The following RIMS1 variants were observed in gnomAD, a reference collection of about 807,000 sequenced individuals.
RIMS1 encodes regulating synaptic membrane exocytosis protein 1.
In RIMS1, 83 loss-of-function variants were observed where a neutral mutation model predicts 214.1. The ratio of observed to expected loss-of-function variants is 0.39; its 90% CI spans 0.32 to 0.47. RIMS1 has a LOEUF of 0.47. RIMS1 is among the 20% of genes least tolerant of loss of function. The pLI, the probability that RIMS1 is intolerant of heterozygous loss-of-function variation, is 0.99. For missense variants in RIMS1, 2,050 were observed against 2,161.8 expected (o/e 0.95, Z 1.03); for synonymous variants, 793 against 786.8 (o/e 1.01, Z -0.13).
intron 23 of RIMS1, among the ~76,000 whole-genome samples, chr6:72,277,719 A>G (rs1183249240): frequency 6.6e-6 from 1 of 152,180 alleles, no homozygotes; most frequent in African/African-American, 2.4e-5. Context: ...TTTTATTTCT[A>G]AAAATGTTGA....
chr6:72,140,771 C>A (rs2041986986), intron 4 of RIMS1, among the ~76,000 whole-genome samples: 3 of 151,954 alleles, frequency 2.0e-5, no homozygotes, highest in Admixed American at 2.0e-4. Flanking sequence ...CATTTTAGTT[C>A]AATTTCGTAT....
At chr6:71,902,277 A>T (rs1188086369) in intron 1 of RIMS1, among the ~76,000 whole-genome samples, 2 of 152,040 alleles carry the variant, frequency 1.3e-5, no homozygotes, top group Non-Finnish European at 2.9e-5. Context: ...TAAAGAAAAA[A>T]GTCTGAAATA....
chr6:72,098,301 T>C (rs1016205574), intron 3 of RIMS1, among the ~76,000 whole-genome samples: 164 of 151,180 alleles, frequency 1.1e-3, no homozygotes, highest in Admixed American at 2.5e-3. Context: ...TTTTTTTTTT[T>C]TTTCTTTTTT....
At chr6:72,253,785 A>C (rs1016793053) in intron 16 of RIMS1, among the ~76,000 whole-genome samples, 2 of 152,158 alleles carry the variant, frequency 1.3e-5, no homozygotes, top group Non-Finnish European at 2.9e-5. Context: ...TACAACTATT[A>C]AAACTGGGAG....
chr6:72,314,008 G>A (rs1276138710), intron 28 of RIMS1, among the ~76,000 whole-genome samples: 1 of 152,114 alleles, frequency 6.6e-6, no homozygotes, highest in Non-Finnish European at 1.5e-5. Context: ...AGTCTTTGTG[G>A]CAACTACTCA....
At chr6:71,890,675 G>A (rs775661433) in intron 1 of RIMS1, among the ~76,000 whole-genome samples, 1 of 150,872 alleles carries the variant, frequency 6.6e-6, no homozygotes, top group Non-Finnish European at 1.5e-5. Context: ...TTGAGGATGA[G>A]AATCGAGTAC....
chr6:71,949,489 G>A (rs558639349), intron 1 of RIMS1, among the ~76,000 whole-genome samples: 1 of 152,226 alleles, frequency 6.6e-6, no homozygotes, highest in South Asian at 2.1e-4. Context: ...CTCAGATAAT[G>A]TTTCAAATTT....
At chr6:72,078,240 C>A (rs1054486074) in intron 2 of RIMS1, among the ~76,000 whole-genome samples, 1 of 152,156 alleles carries the variant, frequency 6.6e-6, no homozygotes, top group Non-Finnish European at 1.5e-5. Context: ...CAGCAGGTTG[C>A]ACACAGTGAC....
chr6:72,179,746 C>A lies in RIMS1; in HGVS notation c.643C>A (p.Arg215=). Residue 215 remains arginine, a synonymous_variant, in exon 5 of 34, where the codon CGA becomes AGA. Coordinates refer to ENST00000521978, the MANE Select transcript of RIMS1 (RefSeq NM_014989.7). ...PREKKARLQE[R]SRSQTPLSTA... ...AGAAAAGAAAGCACGACTCCAAGAG[C>A]GATCGCGGTCTCAGACACCCCTAAG... The A allele has an allele frequency of 6.2e-7, 1 of 1,613,798 alleles. No homozygotes were observed.
rs2043978985 is a variant in RIMS1, at chr6:72,153,253, C to T, written c.472-26322C>T. 2.0e-5 allele frequency among the ~76,000 whole-genome samples: 3 copies of T among 149,682 alleles called. No homozygotes were observed. In the Admixed American group the frequency reaches 2.0e-4, roughly 10 times the overall value. On this transcript the variant is annotated intron_variant, in intron 4 of 33. Coordinates refer to ENST00000521978, the MANE Select transcript of RIMS1 (RefSeq NM_014989.7). ...ACTTCTGAATCAATTTACTTATATT[C>T]AAAATAAGAGAGTTGGACTGGTTGA...
At chr6:71,939,863 C>T (rs949010228) in intron 1 of RIMS1, among the ~76,000 whole-genome samples, 2 of 152,126 alleles carry the variant, frequency 1.3e-5, no homozygotes, top group African/African-American at 2.4e-5. Context: ...AATTTGGCCT[C>T]CTGAGATAAA....
intron 29 of RIMS1, among the ~76,000 whole-genome samples, chr6:72,387,346 A>G (rs914344993): frequency 2.0e-5 from 3 of 152,186 alleles, no homozygotes; most frequent in African/African-American, 7.2e-5. Context: ...CTGGTGTTCT[A>G]TGCAGATTTT....
chr6:72,120,702 G>A (rs1350531344), intron 4 of RIMS1, among the ~76,000 whole-genome samples: 1 of 151,774 alleles, frequency 6.6e-6, no homozygotes, highest in African/African-American at 2.4e-5. Context: ...ATTGCTTTTG[G>A]TGTTTTAGTC....
At chr6:72,355,681 T>C (rs1465507767) in intron 29 of RIMS1, among the ~76,000 whole-genome samples, 6 of 152,170 alleles carry the variant, frequency 3.9e-5, no homozygotes, top group Middle Eastern at 3.2e-3. Flanking sequence ...CTATTCTGCA[T>C]GATATTTTAA....
chr6:72,172,370 T>C (rs548916382), intron 4 of RIMS1, among the ~76,000 whole-genome samples: 5 of 152,290 alleles, frequency 3.3e-5, no homozygotes, highest in Non-Finnish European at 5.9e-5. Context: ...AGAAGGCTAA[T>C]AATAAAGAGC....
At chr6:72,205,918 G>T (rs1287029651) in intron 6 of RIMS1, among the ~76,000 whole-genome samples, 2 of 152,030 alleles carry the variant, frequency 1.3e-5, no homozygotes, top group Non-Finnish European at 2.9e-5. Flanking sequence ...AAATATATTT[G>T]TGATACTTGA....
Position 72,392,720 on chromosome 6 carries a change from C to T in RIMS1, c.4528C>T (p.Leu1510=), listed in dbSNP as rs2098719873. The change falls in exon 31 of 34, where the codon CTG becomes TTG. Residue 1510 remains leucine (L), a synonymous_variant. Coordinates refer to ENST00000521978, the MANE Select transcript of RIMS1 (RefSeq NM_014989.7). ...EGNLIFPGVR[L]GADSQFSDFL... ...TAGTTTAATATTTCCTGGAGTGCGA[C>T]TGGGAGCTGACAGTCAATTCAGTGA... 6.2e-7 allele frequency: 1 copy of T among 1,613,050 alleles called. No individual in the cohort carries two copies. The highest frequency in any genetic ancestry group is 8.5e-7 in the Non-Finnish European group (1 of 1,179,124).
intron 28 of RIMS1, among the ~76,000 whole-genome samples, chr6:72,319,476 T>G (rs1364310678): frequency 6.6e-6 from 1 of 152,178 alleles, no homozygotes; most frequent in Non-Finnish European, 1.5e-5. Context: ...GGTTAGTGAT[T>G]GCTGAATAAA....
In RIMS1 at chr6:72,182,791, C is replaced by T; in HGVS notation, c.1320C>T (p.Gly440=). 6.5e-7 allele frequency: 1 copy of T among 1,546,536 alleles called. No homozygotes were observed. Among genetic ancestry groups the T allele is most frequent in the South Asian group, 1.2e-5 (1 of 84,290 alleles). Reference sequence around the variant, plus strand: ...GAACTGCGGAGACCAGGGCGCCGGGCGCCAAGCAGCTAACGAACCACAGCC... The same window carrying T: ...GAACTGCGGAGACCAGGGCGCCGGGTGCCAAGCAGCTAACGAACCACAGCC... ...AERTAETRAP[G]AKQLTNHSPP... The change falls in exon 6 of 34, where the codon GGC becomes GGT. Residue 440 remains glycine, a synonymous_variant. Transcript: ENST00000521978.
Sources: gnomAD v4.1 joint callset for allele counts (sites outside exome capture counted in the v4.1 genomes callset) on GRCh38, gnomAD v4.1.1 for gene constraint, MANE v1.5 for transcripts, NCBI Gene and HGNC (gene_info 2026-07-23, HGNC 2026-07-21) for gene names.